The following FAF1 variants were observed in gnomAD, a reference collection of about 807,000 sequenced individuals.
FAF1 encodes Fas associated factor 1, also known as FAS-associated factor 1.
Under a neutral mutation model 92.5 loss-of-function variants are expected in FAF1, and 25 were observed. That is an observed-to-expected ratio of 0.27 (90% confidence interval 0.20 to 0.38). The LOEUF is 0.38. Among genes scored for constraint, FAF1 ranks in the 10% least tolerant of loss-of-function variants. The pLI is 1.00. For missense variants in FAF1, 636 were observed against 793.3 expected (o/e 0.80, Z 2.38); for synonymous variants, 234 against 273.2 (o/e 0.86, Z 1.42).
chr1:50,788,789 A>G (rs1044337489), intron 3 of FAF1, among the ~76,000 whole-genome samples: 2 of 152,192 alleles, frequency 1.3e-5, no homozygotes, highest in African/African-American at 4.8e-5. Context: ...TATAAAATAG[A>G]GGGGATATCA....
chr1:50,720,685 A>T (rs749127645), intron 6 of FAF1, among the ~76,000 whole-genome samples: 1 of 152,096 alleles, frequency 6.6e-6, no homozygotes, highest in African/African-American at 2.4e-5. Context: ...CTGAACCCCC[A>T]CCCTAGGAAT....
At chr1:50,445,932 T>G (rs1202831149) in intron 18 of FAF1, among the ~76,000 whole-genome samples, 1 of 152,182 alleles carries the variant, frequency 6.6e-6, no homozygotes, top group African/African-American at 2.4e-5. Context: ...AGCTATTCCT[T>G]TCTAGATCAA....
chr1:50,635,530 A>G (rs1249909369), intron 8 of FAF1, among the ~76,000 whole-genome samples: 3 of 152,150 alleles, frequency 2.0e-5, no homozygotes, highest in South Asian at 2.1e-4. Flanking sequence ...GGCTCCAGCA[A>G]TCCTCCCACC....
chr1:50,524,054 AT>A (rs796280149), intron 15 of FAF1, among the ~76,000 whole-genome samples: 300 of 143,114 alleles, frequency 2.1e-3, no homozygotes, highest in South Asian at 8.2e-3. Context: ...GCTAGCATCT[AT>A]TTTTTTTTTT....
At chr1:50,706,667 T>A (rs1182776606) in intron 6 of FAF1, among the ~76,000 whole-genome samples, 1 of 152,218 alleles carries the variant, frequency 6.6e-6, no homozygotes, top group Admixed American at 6.5e-5. Context: ...AATACAGAAG[T>A]ATTAAACTAA....
At chr1:50,763,604 C>A (rs142729050) in intron 4 of FAF1, among the ~76,000 whole-genome samples, 4 of 152,292 alleles carry the variant, frequency 2.6e-5, no homozygotes, top group Admixed American at 6.5e-5. Context: ...TCTCCAGCCT[C>A]TAGCTCCCAG....
At chr1:50,813,439 T>C (rs1643935735) in intron 2 of FAF1, among the ~76,000 whole-genome samples, 1 of 152,150 alleles carries the variant, frequency 6.6e-6, no homozygotes, top group African/African-American at 2.4e-5. Context: ...TCTTACTATA[T>C]GTGCTATTTT....
intron 13 of FAF1, among the ~76,000 whole-genome samples, chr1:50,554,390 TAGAG>T (rs34360366): frequency 1.6e-4 from 15 of 93,688 alleles, no homozygotes; most frequent in South Asian, 7.9e-4. Context: ...TATATATATA[TAGAG>T]AGAGAGAGAG....
intron 15 of FAF1, among the ~76,000 whole-genome samples, chr1:50,497,369 C>A (rs1646911267): frequency 6.6e-6 from 1 of 151,500 alleles, no homozygotes; most frequent in South Asian, 2.1e-4. Context: ...ACATATAAAA[C>A]CTGAAAAAAT....
intron 13 of FAF1, among the ~76,000 whole-genome samples, chr1:50,560,486 GTA>G (rs892632587): frequency 1.3e-5 from 2 of 152,202 alleles, no homozygotes; most frequent in African/African-American, 4.8e-5. Flanking sequence ...AATGCTATGT[GTA>G]TGTTACAAGC....
intron 2 of FAF1, among the ~76,000 whole-genome samples, chr1:50,857,344 A>T (rs1644398101): frequency 6.6e-6 from 1 of 151,694 alleles, no homozygotes; most frequent in African/African-American, 2.4e-5. Context: ...GCATTAAGAG[A>T]CATCTGTGTC....
At chr1:50,857,634 T>G (rs1212195625) in intron 2 of FAF1, among the ~76,000 whole-genome samples, 1 of 151,796 alleles carries the variant, frequency 6.6e-6, no homozygotes, top group Non-Finnish European at 1.5e-5. Context: ...CAACTCTGAC[T>G]CTTCTCTCCT....
intron 7 of FAF1, among the ~76,000 whole-genome samples, chr1:50,687,532 C>G (rs573553330): frequency 2.9e-4 from 44 of 152,020 alleles, no homozygotes; most frequent in African/African-American, 1.0e-3. Context: ...GGTAGATCAC[C>G]TGATGTCAGG....
intron 1 of FAF1, among the ~76,000 whole-genome samples, chr1:50,913,839 G>A (rs138024184): frequency 2.6e-5 from 4 of 152,272 alleles, no homozygotes; most frequent in African/African-American, 9.6e-5. Flanking sequence ...ACTATGGCCT[G>A]AGTAAACCAT....
chr1:50,661,925 C>T (rs990682394), intron 7 of FAF1, among the ~76,000 whole-genome samples: 3 of 152,122 alleles, frequency 2.0e-5, no homozygotes, highest in Non-Finnish European at 1.5e-5. Context: ...TACTAAGATG[C>T]AAGTTAAAAC....
intron 6 of FAF1, among the ~76,000 whole-genome samples, chr1:50,716,215 G>C (rs953037273): frequency 6.7e-6 from 1 of 149,702 alleles, no homozygotes; most frequent in African/African-American, 2.6e-5. Context: ...AATAGTAGTA[G>C]GCAAACTGTC....
At chr1:50,547,746 T>C (rs1174692186) in intron 13 of FAF1, among the ~76,000 whole-genome samples, 1 of 152,188 alleles carries the variant, frequency 6.6e-6, no homozygotes, top group Non-Finnish European at 1.5e-5. Flanking sequence ...TTTCTCCTTG[T>C]TGCCATCTAG....
chr1:50,487,778 G>C (rs1646784806), intron 17 of FAF1, among the ~76,000 whole-genome samples: 1 of 152,144 alleles, frequency 6.6e-6, no homozygotes. Context: ...AACCACTCTT[G>C]TTTCTCAATG....
chr1:50,695,662 CCT>C (rs1455444297), intron 7 of FAF1, among the ~76,000 whole-genome samples: 1 of 151,572 alleles, frequency 6.6e-6, no homozygotes, highest in African/African-American at 2.4e-5. Flanking sequence ...TTTTGTTTTC[CCT>C]GAGACAGAGT....
Sources: gnomAD v4.1 joint callset for allele counts (sites outside exome capture counted in the v4.1 genomes callset) on GRCh38, gnomAD v4.1.1 for gene constraint, MANE v1.5 for transcripts, NCBI Gene and HGNC (gene_info 2026-07-23, HGNC 2026-07-21) for gene names.